Variants in OSBP2 observed in about 807,000 individuals in gnomAD.
The protein encoded by OSBP2 is oxysterol-binding protein 2.
OSBP2 carries 66 observed loss-of-function variants against 96.0 expected under a neutral mutation model. The ratio of observed to expected loss-of-function variants is 0.69; its 90% CI spans 0.56 to 0.84. OSBP2 has a LOEUF of 0.84. Among genes scored for constraint, OSBP2 ranks in the 40% least tolerant of loss-of-function variants. The pLI is 0.00. For synonymous variants in OSBP2, 525 were observed against 520.9 expected (o/e 1.01, Z -0.11); for missense variants, 1,038 against 1,222.7 (o/e 0.85, Z 2.25).
chr22:30,828,740 C>A (rs1051902907), intron 2 of OSBP2, among the ~76,000 whole-genome samples: 2 of 152,120 alleles, frequency 1.3e-5, no homozygotes, highest in South Asian at 2.1e-4. Flanking sequence ...GTGTGAAGGG[C>A]AGGCCTACAG....
At chr22:30,764,721 T>C (rs2090249251) in intron 2 of OSBP2, among the ~76,000 whole-genome samples, 2 of 152,260 alleles carry the variant, frequency 1.3e-5, no homozygotes, top group South Asian at 4.1e-4. Flanking sequence ...GGAACAGGGT[T>C]ATGCTCTCCT....
At chr22:30,876,959 C>T (rs564799183) in intron 3 of OSBP2, among the ~76,000 whole-genome samples, 4 of 152,312 alleles carry the variant, frequency 2.6e-5, no homozygotes, top group African/African-American at 9.6e-5. Context: ...TCTACCCTCA[C>T]CCTGCATCCC....
intron 2 of OSBP2, among the ~76,000 whole-genome samples, chr22:30,789,006 C>T (rs2090636148): frequency 6.6e-6 from 1 of 152,172 alleles, no homozygotes; most frequent in Non-Finnish European, 1.5e-5. Flanking sequence ...AGCCACCACA[C>T]CTGGCCAAAC....
intron 2 of OSBP2, among the ~76,000 whole-genome samples, chr22:30,806,520 G>A (rs576996310): frequency 6.6e-6 from 1 of 152,326 alleles, no homozygotes; most frequent in Non-Finnish European, 1.5e-5. Context: ...AGAAGGTGGA[G>A]CAGAGCCCTT....
chr22:30,757,388 G>A (rs960355597), intron 2 of OSBP2, among the ~76,000 whole-genome samples: 1 of 151,914 alleles, frequency 6.6e-6, no homozygotes, highest in South Asian at 2.1e-4. Context: ...CTCTTGCTGG[G>A]GGACTTGGTT....
intron 12 of OSBP2, chr22:30,902,165 C>A: frequency 1.7e-6 from 1 of 597,434 alleles, no homozygotes; most frequent in Non-Finnish European, 2.8e-6. Flanking sequence ...GAGGGTCCCA[C>A]GGCAGTACTG....
intron 2 of OSBP2, among the ~76,000 whole-genome samples, chr22:30,764,797 G>A (rs542904164): frequency 6.6e-6 from 1 of 152,278 alleles, no homozygotes; most frequent in Non-Finnish European, 1.5e-5. Context: ...TCCTGAGGAG[G>A]AGAGAAGCCC....
chr22:30,705,082 G>A (rs2089230823), intron 1 of OSBP2, among the ~76,000 whole-genome samples: 1 of 152,138 alleles, frequency 6.6e-6, no homozygotes, highest in South Asian at 2.1e-4. Flanking sequence ...TGCCAGTCTT[G>A]CAGGGTGTCA....
intron 2 of OSBP2, among the ~76,000 whole-genome samples, chr22:30,829,919 A>G (rs950296383): frequency 6.6e-6 from 1 of 152,198 alleles, no homozygotes; most frequent in African/African-American, 2.4e-5. Context: ...AGGTGACCCG[A>G]CGGGGGCCAA....
In OSBP2 at chr22:30,757,615, A is replaced by G. The variant is rs372793289; in HGVS notation, c.853+16246A>G. Reference sequence around the variant, plus strand: ...GTATTTTCGGTAGAGACAGGGTTCCACCATGTTGGCCAGGCTGGTCTCAAA... The same window carrying G: ...GTATTTTCGGTAGAGACAGGGTTCCGCCATGTTGGCCAGGCTGGTCTCAAA... On this transcript the variant is annotated intron_variant, in intron 2 of 13. Transcript: ENST00000332585. 9.4e-4 allele frequency among the ~76,000 whole-genome samples: 142 copies of G among 151,706 alleles called. 4 individuals are homozygous for G. The South Asian group carries it at 0.028, about 30-fold the overall frequency.
intron 1 of OSBP2, among the ~76,000 whole-genome samples, chr22:30,736,338 C>T (rs1341777290): frequency 2.0e-5 from 3 of 152,212 alleles, no homozygotes; most frequent in Non-Finnish European, 1.5e-5. Context: ...CCCTCGCTCC[C>T]TCAGCCTCAC....
chr22:30,699,104 G>A (rs1030862061), intron 1 of OSBP2, among the ~76,000 whole-genome samples: 2 of 151,958 alleles, frequency 1.3e-5, no homozygotes, highest in Non-Finnish European at 2.9e-5. Context: ...ACCGTGCCCA[G>A]CTAATTTTTT....
At chr22:30,884,391 G>A (rs918313274) in intron 3 of OSBP2, among the ~76,000 whole-genome samples, 1 of 152,210 alleles carries the variant, frequency 6.6e-6, no homozygotes, top group African/African-American at 2.4e-5. Context: ...GAGGATGTGG[G>A]CTCAGAGGGT....
At position 30,695,174 on chromosome 22, in the gene OSBP2, G is replaced by A; in HGVS notation, c.265G>A (p.Glu89Lys). 1 of 1,612,080 alleles carries A rather than the reference G, an allele frequency of 6.2e-7. No individual in the cohort carries two copies. ...RSEPVSETTS[E>K]PEPGAGQPSE... ...GGAACCTGTGTCCGAGACGACGTCT[G>A]AGCCGGAGCCAGGGGCTGGGCAGCC... The change falls in exon 1 of 14, where the codon GAG becomes AAG. Residue 89 changes from glutamate to lysine, a missense_variant. By Grantham distance (56) the Glu-to-Lys change is moderately conservative. Transcript: ENST00000332585.
intron 1 of OSBP2, among the ~76,000 whole-genome samples, chr22:30,721,964 C>G (rs2089558848): frequency 6.6e-6 from 1 of 152,126 alleles, no homozygotes; most frequent in Non-Finnish European, 1.5e-5. Context: ...GCAGGAATAT[C>G]CTATAGATTG....
At chr22:30,900,840 C>T (rs899137662) in intron 12 of OSBP2, among the ~76,000 whole-genome samples, 4 of 152,102 alleles carry the variant, frequency 2.6e-5, no homozygotes, top group East Asian at 3.9e-4. Context: ...ATCTTTTAGA[C>T]CCTAAGGAAA....
chr22:30,778,146 C>T (rs183502851), intron 2 of OSBP2, among the ~76,000 whole-genome samples: 4 of 141,056 alleles, frequency 2.8e-5, no homozygotes, highest in Non-Finnish European at 6.1e-5. Context: ...AGGCATGCAC[C>T]AGCATGCCCG....
At chr22:30,792,675 G>A (rs1290939404) in intron 2 of OSBP2, among the ~76,000 whole-genome samples, 1 of 152,202 alleles carries the variant, frequency 6.6e-6, no homozygotes, top group Admixed American at 6.5e-5. Flanking sequence ...TTGGCAACAT[G>A]TTTTATAGAG....
chr22:30,872,197 C>G (rs977912515), intron 3 of OSBP2: 1 of 455,796 alleles, frequency 2.2e-6, no homozygotes, highest in African/African-American at 2.0e-5. Flanking sequence ...CTCAGGCCCA[C>G]TGTCCTCCTT....
Sources: gnomAD v4.1 joint callset for allele counts (sites outside exome capture counted in the v4.1 genomes callset) on GRCh38, gnomAD v4.1.1 for gene constraint, MANE v1.5 for transcripts, NCBI Gene and HGNC (gene_info 2026-07-23, HGNC 2026-07-21) for gene names.